Variants in ZNF99 observed in about 807,000 individuals in gnomAD.
ZNF99 encodes the protein zinc finger protein ENSP00000375192.
Under a neutral mutation model 12.8 loss-of-function variants are expected in ZNF99, and 8 were observed. The ratio of observed to expected loss-of-function variants is 0.62; its 90% CI spans 0.37 to 1.13. ZNF99 has a LOEUF of 1.13. ZNF99 is among the 50% of genes most tolerant of loss of function. The probability of loss-of-function intolerance (pLI) is 0.02; values close to 1 mark genes in which losing one functional copy is unlikely to be tolerated. For missense variants in ZNF99, 1,007 were observed against 1,006.2 expected (o/e 1.00, Z -0.01); for synonymous variants, 318 against 319.0 (o/e 1.00, Z 0.03).
chr19:22,752,690 T>C lies in ZNF99; in HGVS notation c.*4624A>G, dbSNP rs1047454303. The C allele has an allele frequency of 6.6e-6, 1 of 152,140 alleles. No homozygotes were observed. The highest frequency in any genetic ancestry group is 1.9e-4 in the East Asian group (1 of 5,200). The allele number at this position is 152,140 out of a possible 1,614,324, so 9.4% of individuals were successfully genotyped here. A position where few individuals can be genotyped will look rare whatever the true frequency, so the allele number is the denominator to read the frequency against. On this transcript the variant is annotated 3_prime_UTR_variant, in exon 4 of 4. Transcript: ENST00000596209. ...AAGCGAGTGGCATAATAACACTTCA[T>C]TGAATGTACAACAGACTTAACATGT... is the stretch of plus-strand genomic sequence containing the variant.
intron 1 of ZNF99, among the ~76,000 whole-genome samples, chr19:22,783,228 C>T (rs1178992157): frequency 1.3e-5 from 2 of 151,954 alleles, no homozygotes; most frequent in East Asian, 2.0e-4. Flanking sequence ...TGCGTTGAGC[C>T]GAGATCGCGC....
At chr19:22,769,880 T>C in intron 1 of ZNF99, 5 of 1,354,948 alleles carry the variant, frequency 3.7e-6, no homozygotes, top group Non-Finnish European at 4.9e-6. Context: ...CTTTTCTGGA[T>C]AATAAAGTAT....
chr19:22,761,872 C>T (rs944124024), intron 3 of ZNF99, among the ~76,000 whole-genome samples: 2 of 152,080 alleles, frequency 1.3e-5, no homozygotes, highest in East Asian at 1.9e-4. Flanking sequence ...AATTAAAAAA[C>T]CTGCTCCTGA....
In ZNF99 at chr19:22,756,597, A is replaced by T. The variant is rs745880544; in HGVS notation, c.*717T>A. ...TAGTAAGGTGTGAGGATTGCTTAAA[A>T]GCTTTGCCACATTCTTCACATTTGT... is the stretch of plus-strand genomic sequence containing the variant. On this transcript the variant is annotated 3_prime_UTR_variant, in exon 4 of 4. Coordinates refer to ENST00000596209, the MANE Select transcript of ZNF99 (RefSeq NM_001080409.3). 6 of 1,599,008 alleles carry T rather than the reference A, an allele frequency of 3.8e-6. 1 individual carries two copies. Among genetic ancestry groups the T allele is most frequent in the Non-Finnish European group, 5.1e-6 (6 of 1,176,404 alleles).
At position 22,757,352 on chromosome 19, in the gene ZNF99, G is replaced by T. The variant is rs747884760; in HGVS notation, c.2557C>A (p.Leu853Ile). The T allele has an allele frequency of 6.2e-7, 1 of 1,611,404 alleles. No individual in the cohort carries two copies. The highest frequency in any genetic ancestry group is 1.1e-5 in the South Asian group (1 of 90,914). ...NPANVKNVAK[L>I]LNISQPLENM... The stretch of plus-strand genomic sequence containing the variant: ...TCTAAGGGCTGAGAAATGTTTAAAA[G>T]CTTTGCCACATTCTTCACATTTGCA... The change falls in exon 4 of 4, where the codon CTT becomes ATT. Residue 853 changes from leucine (L) to isoleucine (I), a missense_variant. Physicochemically the swap from Leu to Ile is conservative, Grantham distance 5. Transcript: ENST00000596209.
intron 3 of ZNF99, among the ~76,000 whole-genome samples, chr19:22,760,483 G>A (rs1043618030): frequency 3.3e-5 from 5 of 152,118 alleles, no homozygotes; most frequent in African/African-American, 1.2e-4. Flanking sequence ...GGTGGCTCAG[G>A]CCTGTAATCC....
chr19:22,775,792 A>C, intron 1 of ZNF99, among the ~76,000 whole-genome samples: 1 of 152,246 alleles, frequency 6.6e-6, no homozygotes, highest in East Asian at 1.9e-4. Flanking sequence ...TGGGAGGCTG[A>C]GGCGGGTGGA....
chr19:22,771,032 G>A (rs62120123), intron 1 of ZNF99: 12,674 of 150,228 alleles, frequency 0.084, 561 homozygotes, highest in Middle Eastern at 0.11. Context: ...TCCACCTCCC[G>A]GGTTCAAGCG....
In ZNF99 at chr19:22,756,332, T is replaced by C; in HGVS notation, c.*982A>G. 3 of 1,589,812 alleles carry C rather than the reference T, an allele frequency of 1.9e-6. No homozygotes were observed. The highest frequency in any genetic ancestry group is 2.6e-6 in the Non-Finnish European group (3 of 1,170,652). On this transcript the variant is annotated 3_prime_UTR_variant, in exon 4 of 4. Transcript: ENST00000596209. ...ATGAATTGTTTTATGTTGAGTAAGG[T>C]GTGAGGACTGGTTAAAGGCTTTGCC... is the stretch of plus-strand genomic sequence containing the variant.
intron 3 of ZNF99, among the ~76,000 whole-genome samples, chr19:22,766,809 G>T (rs1437736633): frequency 1.3e-5 from 2 of 151,344 alleles, no homozygotes; most frequent in African/African-American, 2.4e-5. Flanking sequence ...GCGCCACCAC[G>T]CCCGGCTAAT....
chr19:22,767,148 A>C (rs1410811724), intron 3 of ZNF99, among the ~76,000 whole-genome samples: 2 of 151,240 alleles, frequency 1.3e-5, no homozygotes, highest in Non-Finnish European at 2.9e-5. Flanking sequence ...AGCTGGGTTT[A>C]ATGGCATGGG....
chr19:22,760,170 C>G (rs920371174), intron 3 of ZNF99, among the ~76,000 whole-genome samples: 1 of 152,076 alleles, frequency 6.6e-6, no homozygotes, highest in Non-Finnish European at 1.5e-5. Context: ...TGGTGGCACA[C>G]GTCTGTAGTC....
At chr19:22,766,465 A>G (rs1973205212) in intron 3 of ZNF99, among the ~76,000 whole-genome samples, 1 of 151,254 alleles carries the variant, frequency 6.6e-6, no homozygotes, top group Non-Finnish European at 1.5e-5. Flanking sequence ...CAGCCTCCCA[A>G]GCAGCTAGGA....
Position 22,757,106 on chromosome 19 carries a change from C to T in ZNF99, c.*208G>A, listed in dbSNP as rs1973072427. ...GGTTGAGGAATTGTTAAAAGCTTTTCCACATTCTCCACATTTGTAGGGCTT... is the reference window on the plus strand; with the variant it reads ...GGTTGAGGAATTGTTAAAAGCTTTTTCACATTCTCCACATTTGTAGGGCTT... On this transcript the variant is annotated 3_prime_UTR_variant, in exon 4 of 4. Coordinates refer to ENST00000596209, the MANE Select transcript of ZNF99 (RefSeq NM_001080409.3). The T allele has an allele frequency of 1.2e-6, 2 of 1,612,586 alleles. No homozygotes were observed. The highest frequency in any genetic ancestry group is 8.5e-7 in the Non-Finnish European group (1 of 1,179,084).
In ZNF99 at chr19:22,754,899, G is replaced by A. The variant is rs568388307; in HGVS notation, c.*2415C>T. 7.4e-5 allele frequency: 13 copies of A among 175,582 alleles called. No homozygotes were observed. Among genetic ancestry groups the A allele is most frequent in the East Asian group, 1.7e-4 (1 of 5,934 alleles). 10.9% of individuals were successfully genotyped at this position (175,582 alleles called of 1,614,324 possible). A position where few individuals can be genotyped will look rare whatever the true frequency, so the allele number is the denominator to read the frequency against. ...AGCTTGACCAACATGGAGAAACCCC[G>A]TCTCTACTAAAAATACAAAATTAGG... On this transcript the variant is annotated 3_prime_UTR_variant, in exon 4 of 4. Coordinates refer to ENST00000596209, the MANE Select transcript of ZNF99 (RefSeq NM_001080409.3).
chr19:22,757,106 CCA>C lies in ZNF99; in HGVS notation c.*206_*207del. On this transcript the variant is annotated 3_prime_UTR_variant, in exon 4 of 4. Coordinates refer to ENST00000596209, the MANE Select transcript of ZNF99 (RefSeq NM_001080409.3). ...GGTTGAGGAATTGTTAAAAGCTTTT[CCA>C]CATTCTCCACATTTGTAGGGCTTCT... is the stretch of plus-strand genomic sequence containing the variant. 1 of 1,612,586 alleles carries C rather than the reference CCA, an allele frequency of 6.2e-7. No individual in the cohort carries two copies. Among genetic ancestry groups the C allele is most frequent in the East Asian group, 2.2e-5 (1 of 44,766 alleles).
intron 1 of ZNF99, among the ~76,000 whole-genome samples, chr19:22,775,675 T>A (rs187516186): frequency 1.8e-4 from 28 of 152,366 alleles, no homozygotes; most frequent in Admixed American, 1.7e-3. Context: ...AAAGGTCTAG[T>A]ATCTAGAATC....
At position 22,757,555 on chromosome 19, in the gene ZNF99, C is replaced by A; in HGVS notation, c.2354G>T (p.Gly785Val). 1 of 1,610,194 alleles carries A rather than the reference C, an allele frequency of 6.2e-7. No homozygotes were observed. Among genetic ancestry groups the A allele is most frequent in the Non-Finnish European group, 8.5e-7 (1 of 1,179,400 alleles). The change falls in exon 4 of 4, where the codon GGA becomes GTA. Residue 785 changes from glycine (G) to valine (V), a missense_variant. Gly to Val is a moderately radical substitution (Grantham distance 109). Transcript: ENST00000596209. ...ALRKHKIIHTGKKPYKCEECG... is the reference protein window; with the variant it reads ...ALRKHKIIHTVKKPYKCEECG... Reference sequence around the variant, plus strand: ...TTCTTCACATTTATAGGGTTTCTTTCCAGTATGAATTATCTTATGTTTTCT... The same window carrying A: ...TTCTTCACATTTATAGGGTTTCTTTACAGTATGAATTATCTTATGTTTTCT...
chr19:22,769,923 G>A, intron 1 of ZNF99: 1 of 1,360,646 alleles, frequency 7.3e-7, no homozygotes, highest in Non-Finnish European at 9.8e-7. Flanking sequence ...GTACATTTTT[G>A]AGTGCTATTT....
Sources: gnomAD v4.1 joint callset for allele counts (sites outside exome capture counted in the v4.1 genomes callset) on GRCh38, gnomAD v4.1.1 for gene constraint, MANE v1.5 for transcripts, NCBI Gene and HGNC (gene_info 2026-07-23, HGNC 2026-07-21) for gene names.